Variants in FOXP1 observed in about 807,000 individuals in gnomAD.
FOXP1 encodes forkhead box protein P1.
Under a neutral mutation model 98.2 loss-of-function variants are expected in FOXP1, and 15 were observed. The observed-to-expected ratio is 0.15, with a 90% confidence interval of 0.10 to 0.24. FOXP1 has a LOEUF of 0.24. Among genes scored for constraint, FOXP1 ranks in the 10% least tolerant of loss-of-function variants. The probability of loss-of-function intolerance (pLI) is 1.00; values close to 1 mark genes in which losing one functional copy is unlikely to be tolerated. For synonymous variants in FOXP1, 371 were observed against 314.5 expected (o/e 1.18, Z -1.90); for missense variants, 633 against 848.5 (o/e 0.75, Z 3.15).
intron 12 of FOXP1, among the ~76,000 whole-genome samples, chr3:71,013,431 C>T (rs1301454390): frequency 6.6e-6 from 1 of 152,048 alleles, no homozygotes; most frequent in African/African-American, 2.4e-5. Context: ...ACCTAGGAAC[C>T]CAACTTGCAA....
chr3:70,994,624 A>C (rs2041104079), intron 13 of FOXP1, among the ~76,000 whole-genome samples: 1 of 152,008 alleles, frequency 6.6e-6, no homozygotes, highest in African/African-American at 2.4e-5. Flanking sequence ...AGGCCACACC[A>C]CCTTACTATC....
chr3:71,517,967 C>T (rs1179533787), intron 2 of FOXP1, among the ~76,000 whole-genome samples: 1 of 152,152 alleles, frequency 6.6e-6, no homozygotes, highest in Non-Finnish European at 1.5e-5. Context: ...GATGCTATCT[C>T]AAATGTTAAG....
chr3:71,233,814 T>G (rs1032421737), intron 5 of FOXP1, among the ~76,000 whole-genome samples: 13 of 152,192 alleles, frequency 8.5e-5, no homozygotes, highest in Admixed American at 8.5e-4. Context: ...AGAAAACTTT[T>G]TAAAATGCAT....
chr3:71,229,950 C>T (rs1207825696), intron 5 of FOXP1, among the ~76,000 whole-genome samples: 2 of 152,026 alleles, frequency 1.3e-5, no homozygotes, highest in African/African-American at 4.8e-5. Context: ...GATAATTGTG[C>T]CACTTCTGTC....
At chr3:71,112,671 C>T (rs1375447341) in intron 6 of FOXP1, 34 bp from the exon 7 acceptor site, 2 of 1,498,810 alleles carry the variant, frequency 1.3e-6, no homozygotes, top group Non-Finnish European at 1.9e-6. Context: ...CTTTGCGTTA[C>T]TACACAGGTT....
At chr3:71,264,088 A>G (rs2069417328) in intron 5 of FOXP1, among the ~76,000 whole-genome samples, 1 of 152,146 alleles carries the variant, frequency 6.6e-6, no homozygotes. Flanking sequence ...TGTCTAGAGA[A>G]AAATCTCATT....
intron 7 of FOXP1, among the ~76,000 whole-genome samples, chr3:71,069,562 T>C (rs1052159971): frequency 6.6e-6 from 1 of 152,194 alleles, no homozygotes; most frequent in African/African-American, 2.4e-5. Context: ...GCAAAGTTCT[T>C]GAAAAGGTAC....
Position 71,007,138 on chromosome 3 carries a change from A to G in FOXP1, c.975-6079T>C, listed in dbSNP as rs76387837. Reference sequence around the variant, plus strand: ...AAAAAATTTTTTTTGGTAACACCCTATTTTTATTTTTCTAAAACCAATAAA... The same window carrying G: ...AAAAAATTTTTTTTGGTAACACCCTGTTTTTATTTTTCTAAAACCAATAAA... On this transcript the variant is annotated intron_variant, in intron 12 of 20. Coordinates refer to ENST00000649528, the MANE Select transcript of FOXP1 (RefSeq NM_001349338.3). Among the ~76,000 whole-genome samples, 1,077 of 152,256 alleles carry G rather than the reference A, an allele frequency of 7.1e-3. 9 individuals are homozygous for G. The highest frequency in any genetic ancestry group is 0.013 in the Admixed American group (192 of 15,274).
chr3:71,438,502 A>G (rs2085586177), intron 3 of FOXP1, among the ~76,000 whole-genome samples: 1 of 152,094 alleles, frequency 6.6e-6, no homozygotes, highest in Non-Finnish European at 1.5e-5. Context: ...CTGGCTCACA[A>G]AAGGATTTAG....
intron 18 of FOXP1, chr3:70,972,232 G>A (rs2036424401): frequency 6.9e-7 from 1 of 1,443,014 alleles, no homozygotes; most frequent in African/African-American, 1.4e-5. Context: ...AAGGAGACGG[G>A]GTTGGGGGCA....
chr3:71,353,382 A>C (rs2107855288), intron 4 of FOXP1, among the ~76,000 whole-genome samples: 1 of 152,260 alleles, frequency 6.6e-6, no homozygotes, highest in African/African-American at 2.4e-5. Context: ...TAGTTTCTGA[A>C]GTGATATTTG....
intron 6 of FOXP1, among the ~76,000 whole-genome samples, chr3:71,114,542 C>T (rs138019376): frequency 1.9e-4 from 29 of 152,250 alleles, no homozygotes; most frequent in African/African-American, 5.8e-4. Flanking sequence ...ACACAAGCAC[C>T]GATAGATGAG....
chr3:71,032,581 T>C (rs970045620), intron 11 of FOXP1, among the ~76,000 whole-genome samples: 1 of 152,204 alleles, frequency 6.6e-6, no homozygotes, highest in African/African-American at 2.4e-5. Flanking sequence ...AGGAATGCTG[T>C]ACATATCTAA....
In FOXP1 at chr3:70,955,679, A is replaced by G. The variant is rs2031592902; in HGVS notation, c.*3568T>C. The G allele has an allele frequency of 2.1e-5, 5 of 233,488 alleles. No individual in the cohort carries two copies. The South Asian group carries it at 5.4e-4, about 25-fold the overall frequency. 14.5% of individuals were successfully genotyped at this position (233,488 alleles called of 1,614,324 possible). ...TGACCCTGGAATTTCATCATGCAAAATATTTACTGCAGCAGGAGAAAACAT... is the reference window on the plus strand; with the variant it reads ...TGACCCTGGAATTTCATCATGCAAAGTATTTACTGCAGCAGGAGAAAACAT... On this transcript the variant is annotated 3_prime_UTR_variant, in exon 21 of 21. Transcript: ENST00000649528.
chr3:71,361,214 C>G (rs899168192), intron 3 of FOXP1, among the ~76,000 whole-genome samples: 2 of 152,072 alleles, frequency 1.3e-5, no homozygotes, highest in Non-Finnish European at 2.9e-5. Context: ...TGAGCAACTG[C>G]CACTAAAAGA....
At chr3:71,321,060 G>T (rs2075359285) in intron 4 of FOXP1, among the ~76,000 whole-genome samples, 1 of 144,684 alleles carries the variant, frequency 6.9e-6, no homozygotes, top group Non-Finnish European at 1.5e-5. Flanking sequence ...TAAGAATTGA[G>T]ATTCACTATG....
At chr3:71,290,604 A>G (rs1159136745) in intron 5 of FOXP1, among the ~76,000 whole-genome samples, 2 of 152,148 alleles carry the variant, frequency 1.3e-5, no homozygotes, top group Non-Finnish European at 2.9e-5. Context: ...CTCTACCTCA[A>G]AGCCCCTCAA....
chr3:71,344,150 T>C (rs1157220800), intron 4 of FOXP1, among the ~76,000 whole-genome samples: 4 of 152,180 alleles, frequency 2.6e-5, no homozygotes, highest in Non-Finnish European at 5.9e-5. Flanking sequence ...CGCATATCAG[T>C]ACTAAGAATG....
chr3:71,497,962 TG>T, intron 2 of FOXP1, among the ~76,000 whole-genome samples: 2 of 152,312 alleles, frequency 1.3e-5, no homozygotes, highest in Middle Eastern at 3.4e-3. Flanking sequence ...CCTAGAGATT[TG>T]AAAAGCCAGA....
Sources: allele counts gnomAD v4.1 joint callset (sites outside exome capture counted in the v4.1 genomes callset), GRCh38; gene constraint gnomAD v4.1.1; transcripts MANE v1.5; gene names NCBI Gene and HGNC (gene_info 2026-07-23, HGNC 2026-07-21).